Variants in PTK2B observed in about 807,000 individuals in gnomAD.
The protein encoded by PTK2B is protein-tyrosine kinase 2-beta.
In PTK2B, 71 loss-of-function variants were observed where a neutral mutation model predicts 142.9. The observed-to-expected ratio is 0.50, with a 90% CI of 0.41 to 0.61. The LOEUF is 0.61. Among genes scored for constraint, PTK2B ranks in the 20% least tolerant of loss-of-function variants. PTK2B has a pLI of 0.00. For missense variants in PTK2B, 1,105 were observed against 1,320.4 expected (o/e 0.84, Z 2.53); for synonymous variants, 519 against 503.4 (o/e 1.03, Z -0.42).
chr8:27,350,888 A>G (rs1311598190), intron 1 of PTK2B, among the ~76,000 whole-genome samples: 2 of 147,762 alleles, frequency 1.4e-5, no homozygotes, highest in Non-Finnish European at 3.0e-5. Flanking sequence ...AGGCAGGAGA[A>G]TTGCTTGAAC....
intron 5 of PTK2B, 75 bp downstream of exon 5, chr8:27,422,458 A>G (rs1225934341): frequency 1.5e-6 from 2 of 1,300,978 alleles, no homozygotes; most frequent in African/African-American, 1.5e-5. Flanking sequence ...CCCCATGTCC[A>G]AGATGGGAAG....
At position 27,454,146 on chromosome 8, in the gene PTK2B, C is replaced by A. The variant is rs778637739; in HGVS notation, c.2596-8C>A. 3 of 1,613,862 alleles carry A rather than the reference C, an allele frequency of 1.9e-6. No homozygotes were observed. Among genetic ancestry groups the A allele is most frequent in the Admixed American group, 3.3e-5 (2 of 59,926 alleles). On this transcript the variant is annotated splice_polypyrimidine_tract_variant and splice_region_variant and intron_variant, in intron 28 of 30. Transcript: ENST00000346049. Reference sequence around the variant, plus strand: ...CCAACTCACTGGCCACCTGCGTCTTCCCCTCAGTCCATCCAGCCCACAGCT... The same window carrying A: ...CCAACTCACTGGCCACCTGCGTCTTACCCTCAGTCCATCCAGCCCACAGCT...
intron 1 of PTK2B, among the ~76,000 whole-genome samples, chr8:27,357,385 C>T (rs544300234): frequency 2.6e-5 from 4 of 152,342 alleles, no homozygotes; most frequent in African/African-American, 4.8e-5. Flanking sequence ...CCTCATGGTC[C>T]TCACATCATT....
chr8:27,457,141 T>C lies in PTK2B; in HGVS notation c.2815-1153T>C, dbSNP rs147872457. Among the ~76,000 whole-genome samples, 43 of 152,380 alleles carry C rather than the reference T, an allele frequency of 2.8e-4. No individual in the cohort carries two copies. The East Asian group carries it at 8.1e-3, about 29-fold the overall frequency. On this transcript the variant is annotated intron_variant, in intron 30 of 30. Coordinates refer to ENST00000346049, the MANE Select transcript of PTK2B (RefSeq NM_173176.3). Reference sequence around the variant, plus strand: ...TGAACAACTTTCTATTGGAAGCAGATGCCATCTAGGACTTTCATAGCTAGA... The same window carrying C: ...TGAACAACTTTCTATTGGAAGCAGACGCCATCTAGGACTTTCATAGCTAGA...
At chr8:27,430,811 C>A in intron 7 of PTK2B, 65 bp from the exon 8 acceptor site, 1 of 1,577,798 alleles carries the variant, frequency 6.3e-7, no homozygotes, top group South Asian at 1.2e-5. Context: ...TCAGCGAGAC[C>A]CTAAGGGAAG....
At chr8:27,411,905 C>T (rs939014681) in intron 2 of PTK2B, among the ~76,000 whole-genome samples, 1 of 152,180 alleles carries the variant, frequency 6.6e-6, no homozygotes, top group African/African-American at 2.4e-5. Context: ...TTTCTGCTAT[C>T]CCAGCAGGTT....
upstream of PTK2B, among the ~76,000 whole-genome samples, chr8:27,321,089 G>A (rs188072841): frequency 5.0e-5 from 7 of 140,910 alleles, no homozygotes; most frequent in Admixed American, 5.5e-4. Context: ...CAGTCTCCTG[G>A]GCTCAAGCAA....
At chr8:27,322,402 G>A (rs1311585907), upstream of PTK2B, 1 of 152,104 alleles carries the variant, frequency 6.6e-6, no homozygotes, top group Non-Finnish European at 1.5e-5. Context: ...TGCAAACCAG[G>A]AATAGGACTA....
chr8:27,353,845 A>G (rs866558253), intron 1 of PTK2B, among the ~76,000 whole-genome samples: 2 of 152,214 alleles, frequency 1.3e-5, no homozygotes, highest in African/African-American at 4.8e-5. Context: ...TGGGCCTGCT[A>G]TTGAAGATGA....
At chr8:27,433,312 G>A in intron 10 of PTK2B, 123 bp from the exon 11 acceptor site, 1 of 798,690 alleles carries the variant, frequency 1.3e-6, no homozygotes, top group Non-Finnish European at 2.1e-6. Context: ...CAGGAGAGGT[G>A]CAGACAGCAT....
chr8:27,443,808 C>T (rs1317202013), intron 22 of PTK2B, among the ~76,000 whole-genome samples: 1 of 152,186 alleles, frequency 6.6e-6, no homozygotes, highest in Non-Finnish European at 1.5e-5. Flanking sequence ...ATGTCCCACC[C>T]CTCCCCGCGG....
chr8:27,430,592 A>G (rs1450975957), intron 7 of PTK2B, among the ~76,000 whole-genome samples, 174 bp downstream of exon 7: 1 of 152,106 alleles, frequency 6.6e-6, no homozygotes, highest in Non-Finnish European at 1.5e-5. Context: ...TGGGGATCCA[A>G]CTGTTACATG....
intron 2 of PTK2B, among the ~76,000 whole-genome samples, chr8:27,402,265 G>C (rs992501283): frequency 2.0e-5 from 3 of 152,142 alleles, no homozygotes; most frequent in African/African-American, 7.2e-5. Flanking sequence ...AAGAATGGCA[G>C]CCCTGGTCTG....
chr8:27,395,775 C>T (rs1216465423), intron 1 of PTK2B, among the ~76,000 whole-genome samples: 1 of 152,186 alleles, frequency 6.6e-6, no homozygotes, highest in Non-Finnish European at 1.5e-5. Context: ...CACTTGATCA[C>T]TCTTATTAGC....
chr8:27,373,037 C>G (rs1462971549), intron 1 of PTK2B, among the ~76,000 whole-genome samples: 1 of 152,156 alleles, frequency 6.6e-6, no homozygotes, highest in Admixed American at 6.5e-5. Context: ...TGAACCCAAG[C>G]CACAGCTGCC....
intron 5 of PTK2B, among the ~76,000 whole-genome samples, chr8:27,425,987 T>C (rs143031734): frequency 9.5e-4 from 145 of 152,290 alleles, no homozygotes; most frequent in African/African-American, 3.1e-3. Context: ...AATCAGTACC[T>C]GCCCAGTTTG....
intron 1 of PTK2B, among the ~76,000 whole-genome samples, chr8:27,351,040 T>TATATATAC (rs1563211405): frequency 2.0e-5 from 2 of 97,956 alleles, no homozygotes; most frequent in Non-Finnish European, 3.7e-5. Context: ...TATATATATA[T>TATATATAC]ACGTGCTTGG....
rs936473339 is a variant in PTK2B at position 27,439,345 on chromosome 8, C to T, written c.1781C>T (p.Pro594Leu). ...CGTCTCCCCATCAAATGGATGTCCC[C>T]AGAGTCCATTAACTTCCGACGCTTC... is the stretch of plus-strand genomic sequence containing the variant. ...VTRLPIKWMSPESINFRRFTT... is the reference protein window; with the variant it reads ...VTRLPIKWMSLESINFRRFTT... The change falls in exon 20 of 31, where the codon CCA (proline) becomes CTA (leucine). Residue 594 changes from proline (P) to leucine (L), a missense_variant. Coordinates refer to ENST00000346049, the MANE Select transcript of PTK2B (RefSeq NM_173176.3). 1 of 1,614,004 alleles carries T rather than the reference C, an allele frequency of 6.2e-7. No homozygotes were observed. The highest frequency in any genetic ancestry group is 1.7e-5 in the Admixed American group (1 of 59,996).
chr8:27,346,736 A>G (rs571172539), intron 1 of PTK2B, among the ~76,000 whole-genome samples: 3 of 152,232 alleles, frequency 2.0e-5, no homozygotes, highest in Non-Finnish European at 4.4e-5. Flanking sequence ...ACTCCTCCTC[A>G]TGGAGAAAGG....
Sources: allele counts gnomAD v4.1 joint callset (sites outside exome capture counted in the v4.1 genomes callset), GRCh38; gene constraint gnomAD v4.1.1; transcripts MANE v1.5; gene names NCBI Gene and HGNC (gene_info 2026-07-23, HGNC 2026-07-21).